Variants in TRPS1 observed in about 807,000 individuals in gnomAD.
TRPS1 encodes the protein zinc finger transcription factor Trps1.
A neutral mutation model predicts 101.2 loss-of-function variants in TRPS1; 6 were observed. The observed-to-expected ratio is 0.06, with a 90% CI of 0.03 to 0.12. The LOEUF (loss-of-function observed/expected upper bound fraction) is 0.12. Among genes scored for constraint, TRPS1 ranks in the 10% least tolerant of loss-of-function variants. The probability of loss-of-function intolerance (pLI) is 1.00; values close to 1 mark genes in which losing one functional copy is unlikely to be tolerated. For missense variants in TRPS1, 1,363 were observed against 1,567.0 expected, an observed-to-expected ratio of 0.87 and a Z score of 2.20; for synonymous variants, 578 against 589.8, an observed-to-expected ratio of 0.98 and a Z score of 0.29.
chr8:115,452,760 T>C (rs800888), intron 5 of TRPS1, among the ~76,000 whole-genome samples: 50,398 of 152,030 alleles, frequency 0.33, 9,733 homozygotes, highest in Non-Finnish European at 0.45. Flanking sequence ...ATGACATTAG[T>C]GGTGTTTCCT....
intron 5 of TRPS1, among the ~76,000 whole-genome samples, chr8:115,546,344 G>A (rs150625596): frequency 0.011 from 1,602 of 151,840 alleles, 25 homozygotes; most frequent in African/African-American, 0.037. Flanking sequence ...TAAAAACATC[G>A]TACTAATAGG....
At chr8:115,550,746 A>G (rs747806990) in intron 5 of TRPS1, among the ~76,000 whole-genome samples, 44 of 152,310 alleles carry the variant, frequency 2.9e-4, no homozygotes, top group Admixed American at 4.6e-4. Context: ...TTGGAAATCT[A>G]TAACTACCCT....
At chr8:115,594,179 A>G (rs1322973351) in intron 4 of TRPS1, among the ~76,000 whole-genome samples, 1 of 151,922 alleles carries the variant, frequency 6.6e-6, no homozygotes, top group African/African-American at 2.4e-5. Context: ...TTAGTTAAAA[A>G]CTCCTAAAAC....
chr8:115,469,633 G>C (rs938775058), intron 5 of TRPS1, among the ~76,000 whole-genome samples: 24 of 142,754 alleles, frequency 1.7e-4, no homozygotes, highest in Non-Finnish European at 1.5e-4. Flanking sequence ...CAAGTAGCTG[G>C]AAGCTCCCAA....
At chr8:115,557,675 C>G (rs951194531) in intron 5 of TRPS1, among the ~76,000 whole-genome samples, 3 of 152,282 alleles carry the variant, frequency 2.0e-5, no homozygotes, top group African/African-American at 7.2e-5. Flanking sequence ...CCATAAAGAA[C>G]TGTGAGTCAA....
chr8:115,559,679 C>A (rs1350517845), intron 5 of TRPS1, among the ~76,000 whole-genome samples: 1 of 151,994 alleles, frequency 6.6e-6, no homozygotes, highest in Non-Finnish European at 1.5e-5. Flanking sequence ...CATTTTAGGG[C>A]AATACAGAGT....
chr8:115,561,288 T>C (rs1355282896), intron 5 of TRPS1, among the ~76,000 whole-genome samples: 1 of 152,048 alleles, frequency 6.6e-6, no homozygotes, highest in African/African-American at 2.4e-5. Flanking sequence ...GGCGTGCATC[T>C]TGGCATTTGT....
chr8:115,435,717 A>T (rs2129853553), intron 5 of TRPS1, among the ~76,000 whole-genome samples: 1 of 152,308 alleles, frequency 6.6e-6, no homozygotes, highest in African/African-American at 2.4e-5. Flanking sequence ...TTCCAAAGTC[A>T]GCAAAACCAG....
chr8:115,641,789 A>G (rs1228758549), intron 1 of TRPS1, among the ~76,000 whole-genome samples: 1 of 152,220 alleles, frequency 6.6e-6, no homozygotes, highest in African/African-American at 2.4e-5. Flanking sequence ...CTAAGGCAGG[A>G]GAATCACTTG....
chr8:115,521,020 A>C (rs1031776652), intron 5 of TRPS1, among the ~76,000 whole-genome samples: 2 of 151,890 alleles, frequency 1.3e-5, no homozygotes, highest in Non-Finnish European at 2.9e-5. Context: ...TACCTACTAG[A>C]AATATTTAAG....
chr8:115,558,679 T>C (rs1284337405), intron 5 of TRPS1, among the ~76,000 whole-genome samples: 1 of 152,212 alleles, frequency 6.6e-6, no homozygotes, highest in East Asian at 1.9e-4. Context: ...TGGGGTTCTG[T>C]ACAATTAAGA....
At chr8:115,432,305 T>C (rs1813340161) in intron 5 of TRPS1, among the ~76,000 whole-genome samples, 1 of 151,790 alleles carries the variant, frequency 6.6e-6, no homozygotes, top group African/African-American at 2.4e-5. Context: ...TTCAAAATGT[T>C]TGTACTCTTT....
rs143828875 is a variant in TRPS1 at position 115,485,398 on chromosome 8, G to C, written c.2701-66946C>G. 2.0e-5 allele frequency among the ~76,000 whole-genome samples: 3 copies of C among 152,298 alleles called. No homozygotes were observed. In the East Asian group the frequency reaches 5.8e-4, roughly 29 times the overall value. On this transcript the variant is annotated intron_variant, in intron 5 of 6. Coordinates refer to ENST00000395715, the MANE Select transcript of TRPS1 (RefSeq NM_014112.5). Reference sequence around the variant, plus strand: ...CTCAATTTCAGCGTAGTGAGACCCTGAACAGAACATCCAGTCATGCTGTGC... The same window carrying C: ...CTCAATTTCAGCGTAGTGAGACCCTCAACAGAACATCCAGTCATGCTGTGC...
intron 2 of TRPS1, among the ~76,000 whole-genome samples, chr8:115,622,218 T>C (rs1818411603): frequency 6.6e-6 from 1 of 151,620 alleles, no homozygotes. Context: ...GGTAAACTAT[T>C]TTTTTTTAAT....
chr8:115,592,836 T>C (rs2737204), intron 4 of TRPS1, among the ~76,000 whole-genome samples: 152,263 of 152,264 alleles, frequency 1, 76,131 homozygotes, highest in Non-Finnish European at 1. Flanking sequence ...TGATAATACT[T>C]TGTATTTCTT....
At chr8:115,460,078 C>A (rs1814129230) in intron 5 of TRPS1, among the ~76,000 whole-genome samples, 1 of 152,108 alleles carries the variant, frequency 6.6e-6, no homozygotes, top group Non-Finnish European at 1.5e-5. Flanking sequence ...ACCAGAAAGA[C>A]ATTGCTTAGG....
chr8:115,617,142 C>T (rs897886790), intron 3 of TRPS1, among the ~76,000 whole-genome samples: 4 of 152,150 alleles, frequency 2.6e-5, no homozygotes, highest in East Asian at 1.9e-4. Flanking sequence ...GAAATAATCA[C>T]GCGCTGTTGC....
intron 4 of TRPS1, among the ~76,000 whole-genome samples, chr8:115,601,429 C>T (rs1324471399): frequency 6.6e-6 from 1 of 152,136 alleles, no homozygotes; most frequent in Admixed American, 6.6e-5. Flanking sequence ...TATTACTGTT[C>T]AGCTTTCAGT....
chr8:115,503,280 T>C (rs991994386), intron 5 of TRPS1, among the ~76,000 whole-genome samples: 3 of 145,258 alleles, frequency 2.1e-5, no homozygotes, highest in Admixed American at 1.4e-4. Flanking sequence ...AAAAGAATGA[T>C]ACTACTTAAA....
Sources: gnomAD v4.1 joint callset for allele counts (sites outside exome capture counted in the v4.1 genomes callset) on GRCh38, gnomAD v4.1.1 for gene constraint, MANE v1.5 for transcripts, NCBI Gene and HGNC (gene_info 2026-07-23, HGNC 2026-07-21) for gene names.